The following CYRIB variants were observed in gnomAD, a reference collection of about 807,000 sequenced individuals.
The protein encoded by CYRIB is CYFIP related Rac1 interactor B, also known as CYFIP-related Rac1 interactor B.
A neutral mutation model predicts 44.2 loss-of-function variants in CYRIB; 8 were observed. That is an observed-to-expected ratio of 0.18 (90% CI 0.11 to 0.33). The LOEUF (loss-of-function observed/expected upper bound fraction) is 0.33, where lower values mean the gene tolerates loss of function less well. Ranked by LOEUF, CYRIB falls within the 10% of genes least tolerant of loss-of-function variation. The pLI is 1.00. For missense variants in CYRIB, 185 were observed against 382.8 expected (o/e 0.48, Z 4.31); for synonymous variants, 131 against 127.2 (o/e 1.03, Z -0.20).
At chr8:129,955,510 A>G (rs1273838482) in intron 2 of CYRIB, among the ~76,000 whole-genome samples, 4 of 152,108 alleles carry the variant, frequency 2.6e-5, no homozygotes, top group African/African-American at 9.7e-5. Flanking sequence ...ATCTCTACAG[A>G]CGTCGGAAAT....
chr8:129,930,018 C>A (rs2090265674), intron 1 of CYRIB, among the ~76,000 whole-genome samples: 1 of 152,018 alleles, frequency 6.6e-6, no homozygotes, highest in African/African-American at 2.4e-5. Context: ...CGAGACCAGC[C>A]TGACCAACAT....
intron 4 of CYRIB, among the ~76,000 whole-genome samples, chr8:129,867,839 A>C (rs1419848470): frequency 6.6e-6 from 1 of 152,168 alleles, no homozygotes; most frequent in Non-Finnish European, 1.5e-5. Flanking sequence ...ATGTTTTATA[A>C]AATATAAGTA....
In CYRIB at chr8:129,905,847, C is replaced by T. The variant is rs188769969; in HGVS notation, c.-49-2497G>A. On this transcript the variant is annotated intron_variant, in intron 1 of 11. Coordinates refer to ENST00000519824, the Ensembl canonical transcript of CYRIB. ...CACCCTTAGAAATCAAATATCAGGTCATAAATAGTAAATATTAATTAATAT... is the reference window on the plus strand; with the variant it reads ...CACCCTTAGAAATCAAATATCAGGTTATAAATAGTAAATATTAATTAATAT... Among the ~76,000 whole-genome samples, 14 of 152,204 alleles carry T rather than the reference C, an allele frequency of 9.2e-5. No individual in the cohort carries two copies. The East Asian group carries it at 2.7e-3, about 29-fold the overall frequency.
At chr8:129,897,755 C>T (rs766116844) in intron 2 of CYRIB, among the ~76,000 whole-genome samples, 7 of 151,226 alleles carry the variant, frequency 4.6e-5, no homozygotes, top group Non-Finnish European at 8.8e-5. Context: ...GGCAACATAG[C>T]GAAACTCCAT....
rs572907494 is a variant in CYRIB, at chr8:129,945,959, C to T, written c.-243+24984G>A. Among the ~76,000 whole-genome samples, 4 of 152,324 alleles carry T rather than the reference C, an allele frequency of 2.6e-5. No individual in the cohort carries two copies. The South Asian group carries it at 8.3e-4, about 32-fold the overall frequency. On this transcript the variant is annotated intron_variant, in intron 2 of 14. Coordinates refer to the CYRIB transcript ENST00000401979. ...AGTGAACTAGACCCACTCACTTGAT[C>T]TTTGCTTCCTATCTGTGAAATGGAG...
chr8:129,905,259 C>T (rs925509229), intron 1 of CYRIB, among the ~76,000 whole-genome samples: 3 of 151,952 alleles, frequency 2.0e-5, no homozygotes, highest in Non-Finnish European at 4.4e-5. Flanking sequence ...ACTCTGTCAC[C>T]CAGGCTGGAG....
chr8:129,918,678 A>C (rs955648882), intron 1 of CYRIB, among the ~76,000 whole-genome samples: 1 of 152,226 alleles, frequency 6.6e-6, no homozygotes, highest in Non-Finnish European at 1.5e-5. Flanking sequence ...AGTGGCTACC[A>C]CAGGCTGTTC....
chr8:129,982,601 G>A (rs1261243787), intron 1 of CYRIB, among the ~76,000 whole-genome samples: 7 of 152,150 alleles, frequency 4.6e-5, no homozygotes, highest in African/African-American at 1.7e-4. Context: ...TGCTTCATCT[G>A]TAATCCTCAC....
chr8:129,954,591 C>G (rs1236217960), intron 2 of CYRIB, among the ~76,000 whole-genome samples: 1 of 152,064 alleles, frequency 6.6e-6, no homozygotes, highest in Non-Finnish European at 1.5e-5. Context: ...ATGAAATGAA[C>G]TAATTTTAGA....
intron 1 of CYRIB, among the ~76,000 whole-genome samples, chr8:129,905,552 T>G (rs983827757): frequency 1.3e-5 from 2 of 152,248 alleles, no homozygotes; most frequent in Non-Finnish European, 2.9e-5. Flanking sequence ...AAAGCCTAAC[T>G]GTTCTAGCTT....
At chr8:129,906,255 T>C (rs2075324523) in intron 1 of CYRIB, among the ~76,000 whole-genome samples, 1 of 152,062 alleles carries the variant, frequency 6.6e-6, no homozygotes, top group Non-Finnish European at 1.5e-5. Context: ...AAAACAGAGA[T>C]ATAGACCAAT....
chr8:129,908,938 T>C (rs1198475666), intron 1 of CYRIB, among the ~76,000 whole-genome samples: 1 of 149,310 alleles, frequency 6.7e-6, no homozygotes, highest in Non-Finnish European at 1.5e-5. Flanking sequence ...ACATTCTTTT[T>C]TTATAAAGAT....
intron 2 of CYRIB, among the ~76,000 whole-genome samples, chr8:129,966,851 C>A (rs1433748546): frequency 6.6e-6 from 1 of 152,080 alleles, no homozygotes; most frequent in African/African-American, 2.4e-5. Context: ...CATACCACCA[C>A]ACCCAGCTAA....
intron 2 of CYRIB, among the ~76,000 whole-genome samples, chr8:129,953,699 C>T (rs770535276): frequency 1.3e-5 from 2 of 152,194 alleles, no homozygotes; most frequent in Non-Finnish European, 2.9e-5. Context: ...TGGCATTGGT[C>T]CAGCCTGAAT....
chr8:129,963,429 C>T (rs1393492266), intron 2 of CYRIB, among the ~76,000 whole-genome samples: 1 of 152,198 alleles, frequency 6.6e-6, no homozygotes, highest in Non-Finnish European at 1.5e-5. Context: ...CTTCCAGGCA[C>T]TCACAGGCTG....
Position 129,881,798 on chromosome 8 carries a change from A to T in CYRIB, c.-10-2327T>A, listed in dbSNP as rs376308726. 3.9e-5 allele frequency among the ~76,000 whole-genome samples: 6 copies of T among 152,364 alleles called. No individual in the cohort carries two copies. The South Asian group carries it at 1.2e-3, about 32-fold the overall frequency. ...ATACTTTACACAAGTGGATTAGGTG[A>T]CATTAAGCTAAGAGGGAAATATTTA... is the stretch of plus-strand genomic sequence containing the variant. On this transcript the variant is annotated intron_variant, in intron 2 of 11. Transcript: ENST00000519824.
At position 129,935,308 on chromosome 8, in the gene CYRIB, T is replaced by C. The variant is rs547769701; in HGVS notation, c.-50+4300A>G. On this transcript the variant is annotated intron_variant, in intron 1 of 11. Coordinates refer to ENST00000519824, the Ensembl canonical transcript of CYRIB. ...TCTAGATCAATGGTCCCCAATCTTT[T>C]TGGGACCAGGAAATGGTTTTGTGGA... Among the ~76,000 whole-genome samples the C allele has an allele frequency of 1.6e-4, 24 of 152,334 alleles. No homozygotes were observed. In the South Asian group the frequency reaches 4.8e-3, roughly 30 times the overall value.
chr8:129,898,268 T>C (rs917820453), intron 2 of CYRIB, among the ~76,000 whole-genome samples: 2 of 152,086 alleles, frequency 1.3e-5, no homozygotes, highest in African/African-American at 4.8e-5. Flanking sequence ...TGAACGTTTA[T>C]TGTGGCACAT....
chr8:129,888,913 T>G (rs2063882352), intron 2 of CYRIB, among the ~76,000 whole-genome samples: 1 of 152,010 alleles, frequency 6.6e-6, no homozygotes, highest in Non-Finnish European at 1.5e-5. Context: ...GCCAACATGG[T>G]GAAACCCCAT....
Sources: allele counts gnomAD v4.1 joint callset (sites outside exome capture counted in the v4.1 genomes callset), GRCh38; gene constraint gnomAD v4.1.1; transcripts MANE v1.5; gene names NCBI Gene and HGNC (gene_info 2026-07-23, HGNC 2026-07-21).